Variants in TCF12 observed in about 807,000 individuals in gnomAD.
TCF12 encodes DNA-binding protein HTF4.
Under a neutral mutation model 86.0 loss-of-function variants are expected in TCF12, and 45 were observed. The ratio of observed to expected loss-of-function variants is 0.52; its 90% confidence interval spans 0.41 to 0.67. The LOEUF is 0.67. TCF12 is among the 30% of genes least tolerant of loss of function. The pLI, the probability that TCF12 is intolerant of heterozygous loss-of-function variation, is 0.00. For missense variants in TCF12, 881 were observed against 859.9 expected, an observed-to-expected ratio of 1.02 and a Z score of -0.31; for synonymous variants, 330 against 299.6, an observed-to-expected ratio of 1.10 and a Z score of -1.05.
intron 4 of TCF12, among the ~76,000 whole-genome samples, chr15:57,082,650 T>A (rs1458145219): frequency 6.6e-6 from 1 of 152,212 alleles, no homozygotes; most frequent in African/African-American, 2.4e-5. Flanking sequence ...AAGGGGATTT[T>A]GGAAGCCACC....
rs1163953319 is a variant in TCF12 at position 57,288,972 on chromosome 15, A to G, written c.*2827A>G. ...CTGTTTAAAAGTTAAAAGATCAAAA[A>G]TTTGCTTTTATCCCAGTTTTTAACC... On this transcript the variant is annotated 3_prime_UTR_variant, in exon 21 of 21. Coordinates refer to ENST00000333725, the MANE Select transcript of TCF12 (RefSeq NM_207037.2). The G allele has an allele frequency of 1.4e-5, 2 of 145,226 alleles. No individual in the cohort carries two copies. The highest frequency in any genetic ancestry group is 5.5e-5 in the African/African-American group (2 of 36,124). The allele number at this position is 145,226 out of a possible 1,614,324, so 9.0% of individuals were successfully genotyped here.
intron 3 of TCF12, among the ~76,000 whole-genome samples, chr15:56,929,275 A>G (rs1279773838): frequency 6.6e-6 from 1 of 152,146 alleles, no homozygotes; most frequent in East Asian, 1.9e-4. Context: ...TCTTGCTCCT[A>G]TAGAAGCCTG....
chr15:56,936,176 G>C (rs1051183202), intron 3 of TCF12, among the ~76,000 whole-genome samples: 1 of 152,048 alleles, frequency 6.6e-6, no homozygotes, highest in African/African-American at 2.4e-5. Flanking sequence ...GGCCATTCTT[G>C]TGAGAGTAAG....
intron 5 of TCF12, among the ~76,000 whole-genome samples, chr15:57,151,581 A>G (rs1390862779): frequency 6.6e-6 from 1 of 152,114 alleles, no homozygotes; most frequent in Non-Finnish European, 1.5e-5. Context: ...CCTGGCCAAC[A>G]TGGTGAAACC....
chr15:56,945,468 C>G (rs2060954138), intron 3 of TCF12, among the ~76,000 whole-genome samples: 1 of 151,816 alleles, frequency 6.6e-6, no homozygotes, highest in African/African-American at 2.4e-5. Context: ...TTTTGCTTAT[C>G]TGAGAGGTTT....
chr15:57,272,163 T>G (rs1015819382), intron 18 of TCF12, among the ~76,000 whole-genome samples: 1 of 152,250 alleles, frequency 6.6e-6, no homozygotes, highest in Admixed American at 6.5e-5. Context: ...GTACTATGAT[T>G]TATTGAACCC....
At chr15:56,924,581 A>G (rs2059924208) in intron 3 of TCF12, among the ~76,000 whole-genome samples, 2 of 152,200 alleles carry the variant, frequency 1.3e-5, no homozygotes, top group Non-Finnish European at 1.5e-5. Flanking sequence ...TGTGGTTCAT[A>G]TTATGTACAT....
At chr15:57,086,175 GA>G (rs1275384838) in intron 4 of TCF12, among the ~76,000 whole-genome samples, 1 of 148,138 alleles carries the variant, frequency 6.8e-6, no homozygotes, top group Admixed American at 6.8e-5. Flanking sequence ...TGTGCTCTCA[GA>G]ATTTGTAAGA....
intron 4 of TCF12, among the ~76,000 whole-genome samples, chr15:57,075,804 T>TTCTCTCTCTC (rs1244304206): frequency 0.033 from 947 of 28,564 alleles, 79 homozygotes; most frequent in Non-Finnish European, 0.043. Context: ...CTTTCTTTCT[T>TTCTCTCTCTC]TCTCTCTCTC....
At chr15:57,044,314 C>T (rs1441449887) in intron 3 of TCF12, among the ~76,000 whole-genome samples, 1 of 152,014 alleles carries the variant, frequency 6.6e-6, no homozygotes, top group Non-Finnish European at 1.5e-5. Flanking sequence ...GTAATCCCAG[C>T]ACTTTGGGAG....
intron 12 of TCF12, among the ~76,000 whole-genome samples, chr15:57,241,719 G>A (rs114871549): frequency 0.012 from 1,762 of 152,262 alleles, 32 homozygotes; most frequent in African/African-American, 0.04. Flanking sequence ...CTGGTGGGCC[G>A]TGGTGGCTCA....
chr15:57,122,063 A>G (rs555706789), intron 5 of TCF12, among the ~76,000 whole-genome samples: 1 of 143,972 alleles, frequency 6.9e-6, no homozygotes, highest in East Asian at 2.0e-4. Flanking sequence ...AAATGTTTTC[A>G]CTTTTCCTGC....
Position 57,216,221 on chromosome 15 carries a change from G to A in TCF12, c.580-14931G>A, listed in dbSNP as rs550982826. ...GGAATCATCAGTTTGCTAATAAAAG[G>A]TATATGGCTCCAAGTTACGTATTTT... On this transcript the variant is annotated intron_variant, in intron 8 of 20. Transcript: ENST00000333725. Among the ~76,000 whole-genome samples, 397 of 152,140 alleles carry A rather than the reference G, an allele frequency of 2.6e-3. 1 individual carries two copies. In the Middle Eastern group the frequency reaches 0.034, roughly 13 times the overall value.
chr15:57,038,181 T>A (rs1205967535), intron 3 of TCF12, among the ~76,000 whole-genome samples: 8 of 152,064 alleles, frequency 5.3e-5, no homozygotes, highest in African/African-American at 1.9e-4. Context: ...GGCTCATGCC[T>A]AGCACATTGG....
intron 3 of TCF12, among the ~76,000 whole-genome samples, chr15:56,947,917 G>A (rs746890877): frequency 1.3e-5 from 2 of 152,108 alleles, no homozygotes; most frequent in Non-Finnish European, 2.9e-5. Flanking sequence ...AGCAGAGCTG[G>A]GTGAGAATAC....
intron 6 of TCF12, among the ~76,000 whole-genome samples, chr15:57,176,797 A>C (rs1191344868): frequency 6.6e-6 from 1 of 152,230 alleles, no homozygotes; most frequent in Non-Finnish European, 1.5e-5. Flanking sequence ...ATGCAGTGAA[A>C]GAGCAGGTGC....
intron 8 of TCF12, among the ~76,000 whole-genome samples, chr15:57,215,467 A>G (rs1183208119): frequency 6.6e-6 from 1 of 152,114 alleles, no homozygotes. Flanking sequence ...TTCATGTGTC[A>G]GCTTTTAAGT....
At chr15:57,110,406 T>A (rs2050407113) in intron 5 of TCF12, among the ~76,000 whole-genome samples, 1 of 152,220 alleles carries the variant, frequency 6.6e-6, no homozygotes, top group Admixed American at 6.5e-5. Context: ...TCTTTTTGGC[T>A]TGTGTTAATA....
At chr15:57,212,799 A>G (rs1461970265) in intron 8 of TCF12, among the ~76,000 whole-genome samples, 1 of 152,164 alleles carries the variant, frequency 6.6e-6, no homozygotes, top group Non-Finnish European at 1.5e-5. Context: ...GGGAGAGTCA[A>G]CGACCTACCC....
Sources: allele counts gnomAD v4.1 joint callset (sites outside exome capture counted in the v4.1 genomes callset), GRCh38; gene constraint gnomAD v4.1.1; transcripts MANE v1.5; gene names NCBI Gene and HGNC (gene_info 2026-07-23, HGNC 2026-07-21).